Variants in HEXA observed in about 807,000 individuals in gnomAD.
HEXA encodes the protein beta-hexosaminidase subunit alpha.
Under a neutral mutation model 73.3 loss-of-function variants are expected in HEXA, and 54 were observed. That is an observed-to-expected ratio of 0.74 (90% confidence interval 0.59 to 0.92). HEXA has a LOEUF of 0.92. HEXA is among the 40% of genes least tolerant of loss of function. The pLI is 0.00. For missense variants in HEXA, 649 were observed against 653.0 expected, an observed-to-expected ratio of 0.99 and a Z score of 0.07; for synonymous variants, 230 against 246.9, an observed-to-expected ratio of 0.93 and a Z score of 0.64.
At chr15:72,344,327 G>A (rs909021546) in intron 13 of HEXA, among the ~76,000 whole-genome samples, 187 bp from the exon 14 acceptor site, 3 of 152,158 alleles carry the variant, frequency 2.0e-5, no homozygotes, top group African/African-American at 7.2e-5. Flanking sequence ...GTATTGGCAA[G>A]AATCTGCAAG....
chr15:72,347,537 G>T, intron 10 of HEXA, 149 bp downstream of exon 10: 1 of 729,510 alleles, frequency 1.4e-6, no homozygotes, highest in Non-Finnish European at 2.5e-6. Context: ...CCAGCACTCT[G>T]TGGCCTTTCT....
At chr15:72,344,464 TG>T (rs1171181329) in intron 13 of HEXA, among the ~76,000 whole-genome samples, 3 of 152,162 alleles carry the variant, frequency 2.0e-5, no homozygotes, top group African/African-American at 7.2e-5. Flanking sequence ...AGAATATAGA[TG>T]GATGTCTGAA....
In HEXA at chr15:72,353,163, T is replaced by C. The variant is rs1390546999; in HGVS notation, c.475A>G (p.Thr159Ala). The change falls in exon 5 of 14, where the codon ACT becomes GCT. Residue 159 changes from threonine to alanine, a missense_variant. Coordinates refer to ENST00000268097, the MANE Select transcript of HEXA (RefSeq NM_000520.6). ...SAEGTFFINK[T>A]EIEDFPRFPH... ...AAGCGGGGAAAGTCCTCAATCTCAG[T>C]CTTGTTGATAAAGAACTGTGCAGAA... 3 of 1,609,454 alleles carry C rather than the reference T, an allele frequency of 1.9e-6. No individual in the cohort carries two copies. Among genetic ancestry groups the C allele is most frequent in the Non-Finnish European group, 2.6e-6 (3 of 1,175,982 alleles).
chr15:72,375,869 T>TGCG lies in HEXA; in HGVS notation c.103_104insCGC (p.Asp34_Gln35insPro). ...GTTGTTCGGGTAAAGGACGTAGCGC[T>TGCG]GGTCGGAGGTTTGGAAGTTCTGAGG... On this transcript the variant is annotated inframe_insertion, in exon 1 of 14. Transcript: ENST00000268097. 6.2e-7 allele frequency: 1 copy of TGCG among 1,614,248 alleles called. No individual in the cohort carries two copies. Among genetic ancestry groups the TGCG allele is most frequent in the East Asian group, 2.2e-5 (1 of 44,886 alleles).
Position 72,349,241 on chromosome 15 carries a change from G to T in HEXA, c.824C>A (p.Thr275Asn), listed in dbSNP as rs1176760507. The change falls in exon 8 of 14, where the codon ACT becomes AAT. Residue 275 changes from threonine to asparagine, a missense_variant. Thr to Asn is a moderately conservative substitution (Grantham distance 65). Transcript: ENST00000268097. Reference protein sequence around the residue: ...SWGPGIPGLLTPCYSGSEPSG... With the variant: ...SWGPGIPGLLNPCYSGSEPSG... Reference sequence around the variant, plus strand: ...GGGCTCAGACCCAGAGTAGCAAGGAGTCAGTAATCCAGGGATACCTAAGCC... The same window carrying T: ...GGGCTCAGACCCAGAGTAGCAAGGATTCAGTAATCCAGGGATACCTAAGCC... 6.2e-7 allele frequency: 1 copy of T among 1,614,078 alleles called. No individual in the cohort carries two copies. The highest frequency in any genetic ancestry group is 1.7e-5 in the Admixed American group (1 of 60,026).
chr15:72,348,162 A>C, intron 8 of HEXA, 28 bp from the exon 9 acceptor site: 1 of 1,480,584 alleles, frequency 6.8e-7, no homozygotes, highest in South Asian at 1.1e-5. Context: ...ATGAAGATTA[A>C]TCTTTCAACA....
chr15:72,367,765 T>C (rs761860666), intron 1 of HEXA, among the ~76,000 whole-genome samples: 1 of 152,258 alleles, frequency 6.6e-6, no homozygotes, highest in Non-Finnish European at 1.5e-5. Flanking sequence ...GAATATGGCA[T>C]GAAGGCTTCT....
At chr15:72,371,815 G>A (rs1318633451) in intron 1 of HEXA, among the ~76,000 whole-genome samples, 1 of 152,076 alleles carries the variant, frequency 6.6e-6, no homozygotes, top group African/African-American at 2.4e-5. Flanking sequence ...TAATATCTGA[G>A]GATGAGCAAA....
At position 72,375,993 on chromosome 15, in the gene HEXA, C is replaced by G; in HGVS notation, c.-21G>C. On this transcript the variant is annotated 5_prime_UTR_variant, in exon 1 of 14. Coordinates refer to ENST00000268097, the MANE Select transcript of HEXA (RefSeq NM_000520.6). ...GTCATGGCCCGCTGGTCTCCCCTCT[C>G]GGAGGGGGCTGGCCACGTGAGACCC... is the stretch of plus-strand genomic sequence containing the variant. 6.2e-7 allele frequency: 1 copy of G among 1,611,124 alleles called. No homozygotes were observed. Among genetic ancestry groups the G allele is most frequent in the Non-Finnish European group, 8.5e-7 (1 of 1,179,966 alleles).
At chr15:72,363,796 C>CT (rs1384207413) in intron 1 of HEXA, among the ~76,000 whole-genome samples, 2 of 152,020 alleles carry the variant, frequency 1.3e-5, no homozygotes, top group Non-Finnish European at 2.9e-5. Context: ...TAAAAATTTT[C>CT]TATTTTCCCC....
At chr15:72,360,632 TG>T (rs2088841029) in intron 1 of HEXA, among the ~76,000 whole-genome samples, 1 of 152,230 alleles carries the variant, frequency 6.6e-6, no homozygotes, top group Admixed American at 6.5e-5. Context: ...GCAATCTTCC[TG>T]GCCTCACTTA....
At chr15:72,363,885 G>A (rs2088883861) in intron 1 of HEXA, among the ~76,000 whole-genome samples, 1 of 152,068 alleles carries the variant, frequency 6.6e-6, no homozygotes, top group South Asian at 2.1e-4. Context: ...TAGATCTCAA[G>A]GGATAACTTT....
intron 1 of HEXA, chr15:72,359,559 T>C (rs1311046643): frequency 1.3e-5 from 2 of 151,094 alleles, no homozygotes; most frequent in Non-Finnish European, 3.0e-5. Flanking sequence ...TAGCTGGTCA[T>C]GGTGGTGGGC....
At chr15:72,346,362 G>T in intron 11 of HEXA, 37 bp from the exon 12 acceptor site, 1 of 1,571,162 alleles carries the variant, frequency 6.4e-7, no homozygotes, top group Non-Finnish European at 8.8e-7. Context: ...TGGTGATGGT[G>T]GGGTAACTCC....
Position 72,366,110 on chromosome 15 carries a change from C to T in HEXA, c.254-9493G>A, listed in dbSNP as rs923065267. Among the ~76,000 whole-genome samples the T allele has an allele frequency of 1.7e-4, 26 of 152,270 alleles. No homozygotes were observed. The East Asian group carries it at 5.0e-3, about 29-fold the overall frequency. On this transcript the variant is annotated intron_variant, in intron 1 of 13. Transcript: ENST00000268097. ...CTCTCCCCAGGAATACCACACACCA[C>T]TTCCCCTACAACATGCTCTGAGAGG...
chr15:72,370,698 A>AAAAAAAAAAAG lies in HEXA; in HGVS notation c.253+5011_253+5021dup, dbSNP rs1555474905. On this transcript the variant is annotated intron_variant, in intron 1 of 13. Coordinates refer to ENST00000268097, the MANE Select transcript of HEXA (RefSeq NM_000520.6). The stretch of plus-strand genomic sequence containing the variant: ...AATGACAGAGAAAGACCTGTTTCTT[A>AAAAAAAAAAAG]AAAAAAAAAAGAAAGAAAAGAAAAG... 8.2e-4 allele frequency: 172 copies of AAAAAAAAAAAG among 209,694 alleles called. 1 individual carries two copies. Among genetic ancestry groups the AAAAAAAAAAAG allele is most frequent in the East Asian group, 1.8e-3 (33 of 18,550 alleles). 13.0% of individuals were successfully genotyped at this position (209,694 alleles called of 1,614,324 possible).
At chr15:72,348,172 A>C in intron 8 of HEXA, 38 bp from the exon 9 acceptor site, 1 of 1,426,434 alleles carries the variant, frequency 7.0e-7, no homozygotes, top group Middle Eastern at 1.7e-4. Context: ...ATCTTTCAAC[A>C]TCCTGAAAGC....
At chr15:72,358,555 T>C (rs2088814136) in intron 1 of HEXA, 1 of 152,220 alleles carries the variant, frequency 6.6e-6, no homozygotes, top group African/African-American at 2.4e-5. Flanking sequence ...CCTTTGCAGA[T>C]CTGCTGAATA....
chr15:72,356,923 A>G, intron 1 of HEXA: 1 of 465,180 alleles, frequency 2.1e-6, no homozygotes, highest in Non-Finnish European at 4.0e-6. Context: ...CCATGACCTC[A>G]ACAACTGCTT....
Sources: gnomAD v4.1 joint callset for allele counts (sites outside exome capture counted in the v4.1 genomes callset) on GRCh38, gnomAD v4.1.1 for gene constraint, MANE v1.5 for transcripts, NCBI Gene and HGNC (gene_info 2026-07-23, HGNC 2026-07-21) for gene names.